SH2B3: variants seen among roughly 807,000 people sequenced by gnomAD.
SH2B3 encodes the protein SH2B adaptor protein 3.
SH2B3 carries 43 observed loss-of-function variants against 51.9 expected under a neutral mutation model. That is an observed-to-expected ratio of 0.83 (90% CI 0.65 to 1.07). The LOEUF is 1.07. Among genes scored for constraint, SH2B3 ranks in the 50% least tolerant of loss-of-function variants. The pLI is 0.00. For synonymous variants in SH2B3, 396 were observed against 376.0 expected (o/e 1.05, Z -0.62); for missense variants, 952 against 834.3 (o/e 1.14, Z -1.74).
At chr12:111,405,726 C>G (rs887055936), upstream of SH2B3, among the ~76,000 whole-genome samples, 2 of 152,198 alleles carry the variant, frequency 1.3e-5, no homozygotes, top group African/African-American at 4.8e-5. This position sits in a 1 kb window ranked among gnomAD's most constrained non-coding sequence, Gnocchi z 5.4. Flanking sequence ...GGAGAGCCCT[C>G]CGACCCTGGC....
Position 111,429,069 on chromosome 12 carries a change from G to GGAGGAGGAGGAGGA in SH2B3, c.732+10193_732+10194insAGGAGGAGGAGGAG. 6.6e-6 allele frequency among the ~76,000 whole-genome samples: 1 copy of GGAGGAGGAGGAGGA among 151,622 alleles called. No homozygotes were observed. Among genetic ancestry groups the GGAGGAGGAGGAGGA allele is most frequent in the Non-Finnish European group, 1.5e-5 (1 of 67,642 alleles). ...AGGAAGAGGAGGAGGAGGAGGAGGA[G>GGAGGAGGAGGAGGA]GGACGGCAGGAAGCCGCCTCGGGCT... On this transcript the variant is annotated intron_variant, in intron 2 of 7. Coordinates refer to ENST00000341259, the MANE Select transcript of SH2B3 (RefSeq NM_005475.3). This position sits in a 1 kb window ranked among gnomAD's most constrained non-coding sequence, Gnocchi z 4.4.
intron 1 of SH2B3, among the ~76,000 whole-genome samples, chr12:111,411,203 C>CAA (rs397958520): frequency 0.017 from 1,647 of 99,502 alleles, 37 homozygotes; most frequent in African/African-American, 0.044. Flanking sequence ...CTGTCTCTAC[C>CAA]AAAAAAAAAA....
chr12:111,425,400 G>A (rs917020194), intron 2 of SH2B3, among the ~76,000 whole-genome samples: 4 of 152,152 alleles, frequency 2.6e-5, no homozygotes, highest in Non-Finnish European at 5.9e-5. Flanking sequence ...CCTGGGGTTG[G>A]TCAGCAAAGG....
chr12:111,429,456 C>T lies in SH2B3; in HGVS notation c.732+10579C>T, dbSNP rs550659792. ...AAGCAATTCTCCTGCCTCAGCCTCCCGAGTAGCTGGGATTACAGGCGCCCA... is the reference window on the plus strand; with the variant it reads ...AAGCAATTCTCCTGCCTCAGCCTCCTGAGTAGCTGGGATTACAGGCGCCCA... On this transcript the variant is annotated intron_variant, in intron 2 of 7. Coordinates refer to ENST00000341259, the MANE Select transcript of SH2B3 (RefSeq NM_005475.3). This position sits in a 1 kb window ranked among gnomAD's most constrained non-coding sequence, Gnocchi z 4.4. 4.7e-4 allele frequency among the ~76,000 whole-genome samples: 71 copies of T among 152,226 alleles called. 2 individuals carry two copies. The South Asian group carries it at 0.012, about 26-fold the overall frequency.
rs1436944226 is a variant in SH2B3, at chr12:111,435,701, C to T, written c.733-11052C>T. On this transcript the variant is annotated intron_variant, in intron 2 of 7. Coordinates refer to ENST00000341259, the MANE Select transcript of SH2B3 (RefSeq NM_005475.3). The surrounding 1 kb of genome is among the most constrained non-coding windows in gnomAD (Gnocchi z 4.8). ...CCCTCCCTGCCAAGGGAGCTGCTTG[C>T]TCTCCCTTCTGTCTGGAGGCCAGCA... Among the ~76,000 whole-genome samples, 1 of 152,212 alleles carries T rather than the reference C, an allele frequency of 6.6e-6. No homozygotes were observed. Among genetic ancestry groups the T allele is most frequent in the Admixed American group, 6.5e-5 (1 of 15,292 alleles).
At chr12:111,447,857 G>A in intron 7 of SH2B3, 30 bp downstream of exon 7, 1 of 1,604,358 alleles carries the variant, frequency 6.2e-7, no homozygotes, top group Non-Finnish European at 8.5e-7. Context: ...TGCTGAAGGG[G>A]GTGGCTGACA....
In SH2B3 at chr12:111,442,032, A is replaced by G. The variant is rs145680973; in HGVS notation, c.733-4721A>G. 3.3e-5 allele frequency among the ~76,000 whole-genome samples: 5 copies of G among 152,178 alleles called. No homozygotes were observed. In the East Asian group the frequency reaches 9.7e-4, roughly 29 times the overall value. ...CTGCAACCTCTGTCTCCCAGGTTCA[A>G]GTGATTCTCCTGCCTCAGCTTCCCA... is the stretch of plus-strand genomic sequence containing the variant. On this transcript the variant is annotated intron_variant, in intron 2 of 7. Coordinates refer to ENST00000341259, the MANE Select transcript of SH2B3 (RefSeq NM_005475.3).
chr12:111,437,169 G>A (rs1872953877), intron 2 of SH2B3, among the ~76,000 whole-genome samples: 1 of 152,336 alleles, frequency 6.6e-6, no homozygotes, highest in South Asian at 2.1e-4. Flanking sequence ...GGGCCCAGAG[G>A]AGGTGCTTGG....
chr12:111,434,945 C>CT, intron 2 of SH2B3: 1 of 1,535,452 alleles, frequency 6.5e-7, no homozygotes, highest in Non-Finnish European at 8.7e-7. Context: ...AGGACCTGGC[C>CT]TGGCTGTGCC....
chr12:111,446,111 A>T (rs193141099), intron 2 of SH2B3, among the ~76,000 whole-genome samples: 49 of 152,314 alleles, frequency 3.2e-4, no homozygotes, highest in African/African-American at 1.0e-3. Flanking sequence ...TTTCAGTCTT[A>T]TCACAAGAGG....
intron 2 of SH2B3, among the ~76,000 whole-genome samples, chr12:111,430,560 G>A (rs1377574150): frequency 6.6e-6 from 1 of 152,116 alleles, no homozygotes; most frequent in Admixed American, 6.5e-5. Flanking sequence ...AGACCATTGT[G>A]GGGTCAGGGC....
chr12:111,440,397 C>T (rs566070498), intron 2 of SH2B3, among the ~76,000 whole-genome samples: 7 of 152,318 alleles, frequency 4.6e-5, no homozygotes, highest in African/African-American at 9.6e-5. Flanking sequence ...TACTTGGTTT[C>T]GTCGTGTCCT....
chr12:111,420,331 G>GCA (rs1880361587), intron 2 of SH2B3, among the ~76,000 whole-genome samples: 1 of 128,632 alleles, frequency 7.8e-6, no homozygotes, highest in South Asian at 2.4e-4. Flanking sequence ...TCGCACCACA[G>GCA]CACTACAGCC....
intron 1 of SH2B3, among the ~76,000 whole-genome samples, chr12:111,415,392 G>A (rs1373008687): frequency 2.0e-5 from 3 of 152,162 alleles, no homozygotes; most frequent in Non-Finnish European, 4.4e-5. Flanking sequence ...GGACAGCAGA[G>A]GGGTGGGGGG....
intron 2 of SH2B3, chr12:111,444,707 T>C (rs1208176010): frequency 1.0e-6 from 1 of 984,798 alleles, no homozygotes; most frequent in Admixed American, 6.1e-5. Flanking sequence ...TATAGCTTAA[T>C]CTGATGGGCA....
chr12:111,444,607 G>A lies in SH2B3; in HGVS notation c.733-2146G>A, dbSNP rs1053150270. 5 of 282,518 alleles carry A rather than the reference G, an allele frequency of 1.8e-5. No individual in the cohort carries two copies. The South Asian group carries it at 3.9e-4, about 22-fold the overall frequency. 17.5% of individuals were successfully genotyped at this position (282,518 alleles called of 1,614,324 possible). Reference sequence around the variant, plus strand: ...TGACTTTTGAGGGAGGTGGAATAGCGGGCATGTGAGAGGAGGGAACCTAAA... The same window carrying A: ...TGACTTTTGAGGGAGGTGGAATAGCAGGCATGTGAGAGGAGGGAACCTAAA... On this transcript the variant is annotated intron_variant, in intron 2 of 7. Coordinates refer to ENST00000341259, the MANE Select transcript of SH2B3 (RefSeq NM_005475.3).
chr12:111,444,547 A>G (rs1873742531), intron 2 of SH2B3, among the ~76,000 whole-genome samples: 2 of 152,240 alleles, frequency 1.3e-5, no homozygotes, highest in Non-Finnish European at 2.9e-5. Flanking sequence ...GTAGAGCCTA[A>G]GCAGGTCCAG....
intron 2 of SH2B3, among the ~76,000 whole-genome samples, chr12:111,426,664 A>G (rs919898135): frequency 3.3e-4 from 50 of 152,296 alleles, no homozygotes; most frequent in Admixed American, 1.3e-3. Context: ...AGCATGCCAC[A>G]GCACCTTTCT....
At position 111,449,568 on chromosome 12, in the gene SH2B3, T is replaced by C. The variant is rs1448826416; in HGVS notation, c.*1266T>C. 1 of 152,214 alleles carries C rather than the reference T, an allele frequency of 6.6e-6. No individual in the cohort carries two copies. The highest frequency in any genetic ancestry group is 1.5e-5 in the Non-Finnish European group (1 of 68,094). 9.4% of individuals were successfully genotyped at this position (152,214 alleles called of 1,614,324 possible). On this transcript the variant is annotated 3_prime_UTR_variant, in exon 8 of 8. Transcript: ENST00000341259. ...GGTCCTGAAGTCAAATCTCTATCTA[T>C]ACAAGTGATACAATTCATAGGGGGC...
Sources: allele counts gnomAD v4.1 joint callset (sites outside exome capture counted in the v4.1 genomes callset), GRCh38; gene constraint gnomAD v4.1.1; non-coding constraint Gnocchi (gnomAD v3.1); transcripts MANE v1.5; gene names NCBI Gene and HGNC (gene_info 2026-07-23, HGNC 2026-07-21).